Variants in HNRNPUL2 observed in about 807,000 individuals in gnomAD.
HNRNPUL2 encodes the protein heterogeneous nuclear ribonucleoprotein U-like protein 2.
A neutral mutation model predicts 102.2 loss-of-function variants in HNRNPUL2; 27 were observed. The observed-to-expected ratio is 0.26, with a 90% confidence interval of 0.19 to 0.36. The LOEUF is 0.36. HNRNPUL2 is among the 10% of genes least tolerant of loss of function. The pLI is 1.00. For synonymous variants in HNRNPUL2, 458 were observed against 387.2 expected (o/e 1.18, Z -2.15); for missense variants, 936 against 981.1 (o/e 0.95, Z 0.61).
chr11:62,727,354 C>A lies in HNRNPUL2; in HGVS notation c.-198G>T. 1 of 614,948 alleles carries A rather than the reference C, an allele frequency of 1.6e-6. No homozygotes were observed. Among genetic ancestry groups the A allele is most frequent in the Non-Finnish European group, 2.3e-6 (1 of 437,504 alleles). 38.1% of individuals were successfully genotyped at this position (614,948 alleles called of 1,614,324 possible). On this transcript the variant is annotated 5_prime_UTR_variant, in exon 1 of 14. Transcript: ENST00000301785. ...CAGTGTTTGCTTCTCCTTCGTCTCC[C>A]CTCCCCCTTTCGGCTCACGGAGCCC...
intron 13 of HNRNPUL2, 38 bp from the exon 14 acceptor site, chr11:62,715,417 C>T: frequency 6.2e-7 from 1 of 1,601,096 alleles, no homozygotes; most frequent in East Asian, 2.2e-5. Context: ...GGAGCCAGAG[C>T]TGGCTGAGGA....
intron 1 of HNRNPUL2, among the ~76,000 whole-genome samples, chr11:62,725,704 G>A (rs2083740132): frequency 6.6e-6 from 1 of 152,164 alleles, no homozygotes; most frequent in Non-Finnish European, 1.5e-5. Flanking sequence ...TTTATAGTAA[G>A]ACTTATCCTC....
At position 62,726,673 on chromosome 11, in the gene HNRNPUL2, C is replaced by T. The variant is rs1469869492; in HGVS notation, c.484G>A (p.Gly162Arg). 6.3e-7 allele frequency: 1 copy of T among 1,599,960 alleles called. No homozygotes were observed. The highest frequency in any genetic ancestry group is 8.5e-7 in the Non-Finnish European group (1 of 1,179,372). ...ACCTCGGATCCCGGCGTCTCGTCCCCGCTCCGCTCCTCGGGTTCGTCTTCC... is the reference window on the plus strand; with the variant it reads ...ACCTCGGATCCCGGCGTCTCGTCCCTGCTCCGCTCCTCGGGTTCGTCTTCC... Reference protein sequence around the residue: ...REEDEPEERSGDETPGSEVPG... With the variant: ...REEDEPEERSRDETPGSEVPG... Residue 162 changes from glycine (G) to arginine (R), a missense_variant, in exon 1 of 14, where the codon GGG (glycine) becomes AGG (arginine). By Grantham distance (125) the Gly-to-Arg change is moderately radical. Coordinates refer to ENST00000301785, the MANE Select transcript of HNRNPUL2 (RefSeq NM_001079559.3).
At chr11:62,723,468 G>C in intron 4 of HNRNPUL2, 119 bp downstream of exon 4, 2 of 1,096,966 alleles carry the variant, frequency 1.8e-6, no homozygotes, top group Non-Finnish European at 2.6e-6. Context: ...TCCAGCCTGG[G>C]TAACAAGAGC....
chr11:62,716,063 C>T (rs1417823680), intron 11 of HNRNPUL2, 126 bp from the exon 12 acceptor site: 2 of 636,178 alleles, frequency 3.1e-6, no homozygotes, highest in African/African-American at 1.9e-5. Flanking sequence ...TTCGGCCAGG[C>T]TCACACATGT....
intron 10 of HNRNPUL2, among the ~76,000 whole-genome samples, 159 bp downstream of exon 10, chr11:62,719,864 G>A (rs2083687026): frequency 6.6e-6 from 1 of 152,124 alleles, no homozygotes; most frequent in Non-Finnish European, 1.5e-5. Flanking sequence ...TTGCCCTCCT[G>A]ACATGGAATG....
intron 12 of HNRNPUL2, 88 bp downstream of exon 12, chr11:62,715,776 A>G (rs2083655698): frequency 1.5e-6 from 2 of 1,339,158 alleles, no homozygotes; most frequent in African/African-American, 2.9e-5. Flanking sequence ...CTAAGCCCTA[A>G]GAAAACAGGC....
intron 10 of HNRNPUL2, among the ~76,000 whole-genome samples, chr11:62,718,823 G>A (rs528746120): frequency 6.6e-6 from 1 of 151,326 alleles, no homozygotes; most frequent in South Asian, 2.1e-4. Flanking sequence ...ATTACCCTAC[G>A]GTCACTTTTT....
At chr11:62,717,768 C>T (rs976581508) in intron 10 of HNRNPUL2, among the ~76,000 whole-genome samples, 1 of 152,168 alleles carries the variant, frequency 6.6e-6, no homozygotes, top group African/African-American at 2.4e-5. Context: ...AGTGCCACTG[C>T]ACTCTGGCCT....
At chr11:62,723,841 T>C in intron 3 of HNRNPUL2, 73 bp downstream of exon 3, 2 of 1,598,520 alleles carry the variant, frequency 1.3e-6, no homozygotes, top group Non-Finnish European at 1.7e-6. Context: ...ATTTATAGGC[T>C]ATGAAGTTTT....
intron 4 of HNRNPUL2, among the ~76,000 whole-genome samples, chr11:62,723,197 AT>A (rs1339905359): frequency 2.6e-5 from 4 of 152,318 alleles, no homozygotes; most frequent in Middle Eastern, 3.4e-3. Context: ...TTTTAAAAAA[AT>A]ATTTCTTCCC....
chr11:62,726,592 A>T (rs751325126), intron 1 of HNRNPUL2, 27 bp downstream of exon 1: 5 of 1,507,740 alleles, frequency 3.3e-6, no homozygotes, highest in Non-Finnish European at 4.4e-6. Context: ...GGCAGGTTGG[A>T]GCCGGGCTCG....
intron 11 of HNRNPUL2, 143 bp downstream of exon 11, chr11:62,716,846 A>T: frequency 1.4e-6 from 1 of 693,208 alleles, no homozygotes; most frequent in Non-Finnish European, 2.4e-6. Flanking sequence ...TAAAGAACAC[A>T]GGAAGAAATA....
At position 62,722,886 on chromosome 11, in the gene HNRNPUL2, T is replaced by G. The variant is rs1240236571; in HGVS notation, c.909A>C (p.Pro303=). 1 of 1,613,926 alleles carries G rather than the reference T, an allele frequency of 6.2e-7. No individual in the cohort carries two copies. The highest frequency in any genetic ancestry group is 8.5e-7 in the Non-Finnish European group (1 of 1,180,012). Reference sequence around the variant, plus strand: ...AGACCTCTGTGCAGCCTTCTTTCATTGGGAGATTCTGGGTTACCTGGCCAA... The same window carrying G: ...AGACCTCTGTGCAGCCTTCTTTCATGGGGAGATTCTGGGTTACCTGGCCAA... ...CFEAKVTQNL[P]MKEGCTEVSL... Residue 303 remains proline (P), a synonymous_variant, in exon 5 of 14, where the codon CCA becomes CCC. Transcript: ENST00000301785.
intron 11 of HNRNPUL2, among the ~76,000 whole-genome samples, chr11:62,716,561 A>T (rs1160908693): frequency 1.3e-5 from 2 of 152,188 alleles, no homozygotes; most frequent in African/African-American, 4.8e-5. Context: ...CACAAAAAAC[A>T]CTGAATAAAG....
chr11:62,726,613 C>G lies in HNRNPUL2; in HGVS notation c.538+6G>C. 6.4e-7 allele frequency: 1 copy of G among 1,570,980 alleles called. No homozygotes were observed. Among genetic ancestry groups the G allele is most frequent in the Non-Finnish European group, 8.6e-7 (1 of 1,165,268 alleles). On this transcript the variant is annotated splice_donor_region_variant and intron_variant, in intron 1 of 13. Coordinates refer to ENST00000301785, the MANE Select transcript of HNRNPUL2 (RefSeq NM_001079559.3). ...TTGGAGCCGGGCTCGGCTGCCAGCTCCTCACCCTGTTCCTCGGCGGCCTTG... is the reference window on the plus strand; with the variant it reads ...TTGGAGCCGGGCTCGGCTGCCAGCTGCTCACCCTGTTCCTCGGCGGCCTTG...
rs776124072 is a variant in HNRNPUL2 at position 62,717,053 on chromosome 11, C to T, written c.1917G>A (p.Arg639=). 3 of 1,614,112 alleles carry T rather than the reference C, an allele frequency of 1.9e-6. No individual in the cohort carries two copies. Among genetic ancestry groups the T allele is most frequent in the East Asian group, 2.2e-5 (1 of 44,884 alleles). Residue 639 remains arginine, a synonymous_variant, in exon 11 of 14, where the codon CGG becomes CGA. Coordinates refer to ENST00000301785, the MANE Select transcript of HNRNPUL2 (RefSeq NM_001079559.3). Reference sequence around the variant, plus strand: ...TGTTTCGGTTGTTTCGGCGATTTGTCCGCTTCTCGGAGGGGGGCAGAAGCT... The same window carrying T: ...TGTTTCGGTTGTTTCGGCGATTTGTTCGCTTCTCGGAGGGGGGCAGAAGCT... ...ARKLLPPSEK[R]TNRRNNRNKR...
At chr11:62,726,559 G>C (rs1276735356) in intron 1 of HNRNPUL2, 60 bp downstream of exon 1, 2 of 1,437,560 alleles carry the variant, frequency 1.4e-6, no homozygotes, top group East Asian at 2.5e-5. Context: ...TGCAGGGCGG[G>C]GTGCTAGATC....
intron 9 of HNRNPUL2, 150 bp downstream of exon 9, chr11:62,721,145 A>G: frequency 1.5e-6 from 1 of 671,640 alleles, no homozygotes; most frequent in Non-Finnish European, 2.5e-6. Flanking sequence ...TAAAAACACT[A>G]ATTAGGGGTA....
Sources: gnomAD v4.1 joint callset for allele counts (sites outside exome capture counted in the v4.1 genomes callset) on GRCh38, gnomAD v4.1.1 for gene constraint, MANE v1.5 for transcripts, NCBI Gene and HGNC (gene_info 2026-07-23, HGNC 2026-07-21) for gene names.